DNAH7: variants seen among roughly 807,000 people sequenced by gnomAD.
DNAH7 encodes the protein dynein axonemal heavy chain 7.
DNAH7 carries 397 observed loss-of-function variants against 444.6 expected under a neutral mutation model. That is an observed-to-expected ratio of 0.89 (90% CI 0.82 to 0.97). DNAH7 has a LOEUF of 0.97. Among genes scored for constraint, DNAH7 ranks in the 50% least tolerant of loss-of-function variants. The pLI is 0.00. For missense variants in DNAH7, 4,902 were observed against 4,800.8 expected (o/e 1.02, Z -0.62); for synonymous variants, 1,636 against 1,624.4 (o/e 1.01, Z -0.17).
At chr2:195,956,449 G>A (rs746595452) in intron 19 of DNAH7, among the ~76,000 whole-genome samples, 1 of 152,018 alleles carries the variant, frequency 6.6e-6, no homozygotes, top group Non-Finnish European at 1.5e-5. Flanking sequence ...TCAAGAGATC[G>A]AGACCAGCCT....
chr2:195,744,420 G>C lies in DNAH7; in HGVS notation c.11765-3551C>G, dbSNP rs543152795. Among the ~76,000 whole-genome samples, 15 of 152,270 alleles carry C rather than the reference G, an allele frequency of 9.9e-5. No individual in the cohort carries two copies. In the South Asian group the frequency reaches 3.1e-3, roughly 32 times the overall value. On this transcript the variant is annotated intron_variant, in intron 63 of 64. Transcript: ENST00000312428. ...GGAGGCCTGCCTACCTCTGGGGGCA[G>C]GGCACAGACAAACAAACAAAAAGAC...
intron 40 of DNAH7, among the ~76,000 whole-genome samples, chr2:195,868,989 T>C (rs537019679): frequency 1.3e-5 from 2 of 151,842 alleles, no homozygotes; most frequent in African/African-American, 4.8e-5. Flanking sequence ...CACAAATTAG[T>C]GTTAAGTTCA....
In DNAH7 at chr2:195,771,877, C is replaced by A. The variant is rs777293239; in HGVS notation, c.11216G>T (p.Gly3739Val). 3.7e-6 allele frequency: 6 copies of A among 1,614,128 alleles called. No individual in the cohort carries two copies. The highest frequency in any genetic ancestry group is 4.2e-6 in the Non-Finnish European group (5 of 1,179,994). The change falls in exon 61 of 65, where the codon GGT becomes GTT. Residue 3739 changes from glycine (G) to valine (V), a missense_variant. By Grantham distance (109) the Gly-to-Val change is moderately radical. Transcript: ENST00000312428. ...TTCATCTGATGATTTTGCACCAGCA[C>A]CTGCTGAACGAGACTATGAAGAATC... ...NILLTQSRSA[G>V]AGAKSSDEVV...
intron 55 of DNAH7, 54 bp downstream of exon 55, chr2:195,799,242 G>T: frequency 7.3e-7 from 1 of 1,370,718 alleles, no homozygotes; most frequent in Non-Finnish European, 9.6e-7. Context: ...TCAATTATAA[G>T]CAAGTATTGC....
chr2:195,824,213 ATT>A, intron 49 of DNAH7, 40 bp downstream of exon 49: 4 of 1,545,914 alleles, frequency 2.6e-6, no homozygotes, highest in Non-Finnish European at 3.5e-6. Flanking sequence ...ATAGTCACTA[ATT>A]ACAAAATCTG....
chr2:195,931,622 GTTTC>G, intron 21 of DNAH7, among the ~76,000 whole-genome samples: 1 of 152,036 alleles, frequency 6.6e-6, no homozygotes, highest in African/African-American at 2.4e-5. Flanking sequence ...AAGGGATCCA[GTTTC>G]AGCTTTCTAC....
At chr2:195,920,807 T>C (rs1400912574) in intron 24 of DNAH7, among the ~76,000 whole-genome samples, 1 of 152,148 alleles carries the variant, frequency 6.6e-6, no homozygotes, top group Non-Finnish European at 1.5e-5. Context: ...AGAAAATATT[T>C]GCAAACTATG....
In DNAH7 at chr2:195,897,780, A is replaced by C. The variant is rs1331787795; in HGVS notation, c.4549-15T>G. ...GGATATTTCAGCTAAAAAAAAAAAA[A>C]AAAACTCATGAGGATATCTGCATCT... is the stretch of plus-strand genomic sequence containing the variant. On this transcript the variant is annotated splice_polypyrimidine_tract_variant and intron_variant, in intron 28 of 64. Transcript: ENST00000312428. 16 of 1,516,412 alleles carry C rather than the reference A, an allele frequency of 1.1e-5. No homozygotes were observed. The highest frequency in any genetic ancestry group is 1.4e-5 in the Non-Finnish European group (15 of 1,109,002). 93.9% of individuals were successfully genotyped at this position (1,516,412 alleles called of 1,614,324 possible).
At chr2:195,886,081 T>C (rs1302028547) in intron 34 of DNAH7, 60 bp downstream of exon 34, 2 of 1,521,152 alleles carry the variant, frequency 1.3e-6, no homozygotes, top group Non-Finnish European at 8.8e-7. Context: ...TAGGAAGCTT[T>C]GGGGAAAGCA....
At position 195,875,764 on chromosome 2, in the gene DNAH7, C is replaced by A; in HGVS notation, c.6197G>T (p.Trp2066Leu). Residue 2066 changes from tryptophan to leucine, a missense_variant, in exon 38 of 65, where the codon TGG (tryptophan) becomes TTG (leucine). Transcript: ENST00000312428. The part of the protein sequence containing the change: ...AQPPIELLRQ[W>L]LDHWNWYDLK... Reference sequence around the variant, plus strand: ...ATCATACCAGTTCCAGTGGTCTAACCACTGTCTAAGTAACTCAATGGGAGG... The same window carrying A: ...ATCATACCAGTTCCAGTGGTCTAACAACTGTCTAAGTAACTCAATGGGAGG... 6.2e-7 allele frequency: 1 copy of A among 1,613,844 alleles called. No individual in the cohort carries two copies. Among genetic ancestry groups the A allele is most frequent in the Non-Finnish European group, 8.5e-7 (1 of 1,179,902 alleles).
At chr2:196,009,063 C>T (rs898886653) in intron 10 of DNAH7, among the ~76,000 whole-genome samples, 2 of 152,058 alleles carry the variant, frequency 1.3e-5, no homozygotes, top group Non-Finnish European at 2.9e-5. Flanking sequence ...TTTAAACAAC[C>T]AGATCTTGTG....
chr2:195,966,422 G>A (rs1009839791), intron 17 of DNAH7, among the ~76,000 whole-genome samples: 2 of 152,118 alleles, frequency 1.3e-5, no homozygotes. Flanking sequence ...TTCGCGTTCT[G>A]CAGCTGTTGG....
intron 58 of DNAH7, among the ~76,000 whole-genome samples, chr2:195,785,348 T>TC (rs1695568837): frequency 2.0e-5 from 3 of 150,780 alleles, no homozygotes; most frequent in Non-Finnish European, 4.4e-5. Context: ...TGTGTGTGTT[T>TC]TTAATTTAAT....
intron 40 of DNAH7, among the ~76,000 whole-genome samples, chr2:195,868,816 A>G (rs76891017): frequency 0.015 from 2,258 of 150,314 alleles, 57 homozygotes; most frequent in African/African-American, 0.052. Flanking sequence ...TGGAGAAGCC[A>G]AAGGGAATGA....
chr2:196,030,871 T>C (rs1226138823), intron 5 of DNAH7, among the ~76,000 whole-genome samples: 3 of 152,190 alleles, frequency 2.0e-5, no homozygotes, highest in Non-Finnish European at 4.4e-5. Context: ...CAGACTGGTG[T>C]TGAGTGTCTG....
chr2:195,830,618 T>C (rs1198712764), intron 48 of DNAH7, among the ~76,000 whole-genome samples: 1 of 152,214 alleles, frequency 6.6e-6, no homozygotes, highest in East Asian at 1.9e-4. Flanking sequence ...TCAGTGTTGG[T>C]ACTTCATTGA....
intron 19 of DNAH7, among the ~76,000 whole-genome samples, chr2:195,950,081 T>C (rs1247812060): frequency 6.6e-6 from 1 of 152,212 alleles, no homozygotes; most frequent in Non-Finnish European, 1.5e-5. Context: ...GTTGTGTCTC[T>C]GCCAGGTTTT....
At position 195,881,618 on chromosome 2, in the gene DNAH7, T is replaced by C. The variant is rs116706441; in HGVS notation, c.5961+177A>G. ...ACTTTTGAAAATAAATAGGCAATTA[T>C]CACTTCTTGGCCTTTTGGCTAAAAC... On this transcript the variant is annotated intron_variant, in intron 36 of 64. Transcript: ENST00000312428. Among the ~76,000 whole-genome samples the C allele has an allele frequency of 0.018, 2,798 of 151,356 alleles. 76 individuals are homozygous for C. The highest frequency in any genetic ancestry group is 0.064 in the African/African-American group (2,614 of 40,870).
At chr2:195,776,681 C>T (rs114419949) in intron 59 of DNAH7, among the ~76,000 whole-genome samples, 2,754 of 152,030 alleles carry the variant, frequency 0.018, 78 homozygotes, top group African/African-American at 0.062. Flanking sequence ...AAAAAATTCA[C>T]CCAATTCAAA....
Sources: gnomAD v4.1 joint callset for allele counts (sites outside exome capture counted in the v4.1 genomes callset) on GRCh38, gnomAD v4.1.1 for gene constraint, MANE v1.5 for transcripts, NCBI Gene and HGNC (gene_info 2026-07-23, HGNC 2026-07-21) for gene names.